The following NRF1 variants were observed in gnomAD, a reference collection of about 807,000 sequenced individuals.
The protein encoded by NRF1 is nuclear respiratory factor 1, also known as alpha palindromic-binding protein.
A neutral mutation model predicts 58.5 loss-of-function variants in NRF1; 5 were observed. That is an observed-to-expected ratio of 0.09 (90% CI 0.04 to 0.18). NRF1 has a LOEUF of 0.18. NRF1 is among the 10% of genes least tolerant of loss of function. The pLI is 1.00. For missense variants in NRF1, 288 were observed against 657.7 expected (o/e 0.44, Z 6.15); for synonymous variants, 224 against 246.7 (o/e 0.91, Z 0.86).
intron 2 of NRF1, among the ~76,000 whole-genome samples, chr7:129,668,009 C>T (rs1266504602): frequency 6.6e-6 from 1 of 152,242 alleles, no homozygotes; most frequent in East Asian, 1.9e-4. Flanking sequence ...AAGCAGTCCT[C>T]CTGCCTTGTC....
intron 7 of NRF1, 107 bp downstream of exon 7, chr7:129,710,678 T>C: frequency 1.5e-6 from 1 of 683,292 alleles, no homozygotes; most frequent in Middle Eastern, 2.8e-4. Flanking sequence ...GTATGAACTT[T>C]ATATAGCTCC....
At chr7:129,643,942 A>G (rs1166024286) in intron 1 of NRF1, among the ~76,000 whole-genome samples, 4 of 152,146 alleles carry the variant, frequency 2.6e-5, no homozygotes, top group African/African-American at 4.8e-5. Context: ...CTGCGCGTTC[A>G]TTGATGTCCC....
At position 129,745,440 on chromosome 7, in the gene NRF1, A is replaced by C. The variant is rs189725603; in HGVS notation, c.1349-9578A>C. ...ATCAGCGGCATCAGATTCTCATAGG[A>C]GCACGAACCTATTGTGAACTGATGA... On this transcript the variant is annotated intron_variant, in intron 10 of 10. Coordinates refer to ENST00000393232, the MANE Select transcript of NRF1 (RefSeq NM_005011.5). Among the ~76,000 whole-genome samples the C allele has an allele frequency of 1.7e-3, 255 of 152,010 alleles. 1 individual carries two copies. Among genetic ancestry groups the C allele is most frequent in the African/African-American group, 5.6e-3 (231 of 41,462 alleles).
chr7:129,672,200 C>CTTT (rs58022845), intron 3 of NRF1, among the ~76,000 whole-genome samples: 4,775 of 116,802 alleles, frequency 0.041, 176 homozygotes, highest in East Asian at 0.1. Flanking sequence ...GCCAGGAGAT[C>CTTT]TTTTTTTTTT....
intron 2 of NRF1, among the ~76,000 whole-genome samples, chr7:129,670,301 G>C (rs893089980): frequency 6.6e-6 from 1 of 152,126 alleles, no homozygotes; most frequent in Admixed American, 6.5e-5. Context: ...TTTTAAGAGA[G>C]TAGATAACAA....
intron 1 of NRF1, among the ~76,000 whole-genome samples, chr7:129,623,359 A>G (rs746370103): frequency 3.2e-4 from 44 of 138,684 alleles, no homozygotes; most frequent in Admixed American, 7.8e-4. Context: ...ATAGTATAAT[A>G]CAGTAGTGTT....
chr7:129,698,147 GTTC>G (rs1322754642), intron 5 of NRF1, among the ~76,000 whole-genome samples: 1 of 151,988 alleles, frequency 6.6e-6, no homozygotes, highest in African/African-American at 2.4e-5. Flanking sequence ...TAAATGCTCT[GTTC>G]TTTTAGGAAG....
intron 5 of NRF1, among the ~76,000 whole-genome samples, chr7:129,697,813 C>T (rs1802734314): frequency 6.6e-6 from 1 of 152,044 alleles, no homozygotes; most frequent in Admixed American, 6.5e-5. Flanking sequence ...CAGCTCACTG[C>T]AACCTCCACC....
chr7:129,716,830 A>C (rs1369435896), intron 8 of NRF1, among the ~76,000 whole-genome samples: 2 of 150,686 alleles, frequency 1.3e-5, no homozygotes, highest in Non-Finnish European at 2.9e-5. Context: ...AGATCGTGCC[A>C]TTGCACTCCG....
At chr7:129,720,979 T>C (rs1252465057) in intron 9 of NRF1, among the ~76,000 whole-genome samples, 1 of 152,052 alleles carries the variant, frequency 6.6e-6, no homozygotes, top group Non-Finnish European at 1.5e-5. Flanking sequence ...AATTTGTGTG[T>C]GTATGTGTGT....
chr7:129,619,425 T>TACACAC (rs1461364151), intron 1 of NRF1, among the ~76,000 whole-genome samples: 43 of 82,564 alleles, frequency 5.2e-4, no homozygotes, highest in Non-Finnish European at 6.3e-4. Context: ...TATATATATA[T>TACACAC]ATATATATAC....
At chr7:129,731,039 A>G (rs894550548) in intron 10 of NRF1, among the ~76,000 whole-genome samples, 4 of 152,126 alleles carry the variant, frequency 2.6e-5, no homozygotes, top group South Asian at 2.1e-4. Flanking sequence ...TGGGAGGCCA[A>G]GGTGGGTGGA....
In NRF1 at chr7:129,681,726, G is replaced by A. The variant is rs80039167; in HGVS notation, c.465+3968G>A. On this transcript the variant is annotated intron_variant, in intron 4 of 10. Coordinates refer to ENST00000393232, the MANE Select transcript of NRF1 (RefSeq NM_005011.5). ...GTAGCTGGAACTATAGGCAGGTGCC[G>A]CCACACCCAGCTAAGATAAGAAGTA... is the stretch of plus-strand genomic sequence containing the variant. 7.7e-3 allele frequency among the ~76,000 whole-genome samples: 1,166 copies of A among 152,114 alleles called. 6 individuals carry two copies. Among genetic ancestry groups the A allele is most frequent in the Admixed American group, 0.013 (191 of 15,252 alleles).
At chr7:129,719,167 T>C (rs937196880) in intron 9 of NRF1, among the ~76,000 whole-genome samples, 5 of 151,780 alleles carry the variant, frequency 3.3e-5, no homozygotes, top group African/African-American at 1.2e-4. Flanking sequence ...ATTTTCACTC[T>C]TGTTGCCTAG....
chr7:129,746,233 A>G (rs1803971956), intron 10 of NRF1, among the ~76,000 whole-genome samples: 1 of 152,278 alleles, frequency 6.6e-6, no homozygotes, highest in South Asian at 2.1e-4. Context: ...GAACAGAAAC[A>G]GAACCACTGG....
At chr7:129,635,871 T>A (rs961814146) in intron 1 of NRF1, among the ~76,000 whole-genome samples, 15 of 152,174 alleles carry the variant, frequency 9.9e-5, no homozygotes, top group African/African-American at 3.6e-4. Context: ...CTTTTTTTTT[T>A]ATTAGGGTCA....
intron 3 of NRF1, among the ~76,000 whole-genome samples, chr7:129,673,580 A>G (rs909433321): frequency 6.5e-4 from 99 of 151,704 alleles, no homozygotes; most frequent in Admixed American, 1.8e-3. Context: ...AGCCGGGCGC[A>G]GTGGCGGGCG....
At chr7:129,720,863 T>G (rs1386086249) in intron 9 of NRF1, among the ~76,000 whole-genome samples, 1 of 152,106 alleles carries the variant, frequency 6.6e-6, no homozygotes, top group Non-Finnish European at 1.5e-5. Context: ...ACCTAAAAAC[T>G]ATGTTAATTT....
At chr7:129,651,149 C>T (rs1045646012) in intron 1 of NRF1, among the ~76,000 whole-genome samples, 3 of 151,834 alleles carry the variant, frequency 2.0e-5, no homozygotes, top group African/African-American at 7.3e-5. Context: ...AGGCCGGGTG[C>T]GGTGGCTCAA....
Sources: gnomAD v4.1 joint callset for allele counts (sites outside exome capture counted in the v4.1 genomes callset) on GRCh38, gnomAD v4.1.1 for gene constraint, MANE v1.5 for transcripts, NCBI Gene and HGNC (gene_info 2026-07-23, HGNC 2026-07-21) for gene names.